The following NCF2 variants were observed in gnomAD, a reference collection of about 807,000 sequenced individuals.
NCF2 encodes neutrophil cytosol factor 2.
Under a neutral mutation model 70.9 loss-of-function variants are expected in NCF2, and 45 were observed. The observed-to-expected ratio is 0.63, with a 90% CI of 0.50 to 0.81. The LOEUF (loss-of-function observed/expected upper bound fraction) is 0.81, where lower values mean the gene tolerates loss of function less well. NCF2 is among the 40% of genes least tolerant of loss of function. The probability of loss-of-function intolerance (pLI) is 0.00; values close to 1 mark genes in which losing one functional copy is unlikely to be tolerated. For missense variants in NCF2, 522 were observed against 631.6 expected, an observed-to-expected ratio of 0.83 and a Z score of 1.86; for synonymous variants, 203 against 233.6, an observed-to-expected ratio of 0.87 and a Z score of 1.19.
At chr1:183,569,718 T>G (rs1304595373) in intron 6 of NCF2, among the ~76,000 whole-genome samples, 2 of 152,172 alleles carry the variant, frequency 1.3e-5, no homozygotes, top group Non-Finnish European at 2.9e-5. Flanking sequence ...CCTCCCATGT[T>G]GCTAGAATTA....
chr1:183,573,966 T>G (rs1322371484), intron 4 of NCF2, among the ~76,000 whole-genome samples: 1 of 152,222 alleles, frequency 6.6e-6, no homozygotes, highest in African/African-American at 2.4e-5. Context: ...GGCATGCACC[T>G]GTAATCCCAG....
intron 2 of NCF2, among the ~76,000 whole-genome samples, chr1:183,579,815 G>A (rs889932040): frequency 6.6e-6 from 1 of 150,510 alleles, no homozygotes; most frequent in African/African-American, 2.4e-5. Context: ...AACTAAAGGA[G>A]ATGAAGCATT....
chr1:183,581,730 G>A (rs1396598784), intron 2 of NCF2, among the ~76,000 whole-genome samples: 66 of 151,628 alleles, frequency 4.4e-4, no homozygotes, highest in African/African-American at 1.5e-3. Context: ...GTGCAGTGGC[G>A]CGATCTCGGC....
Position 183,555,918 on chromosome 1 carries a change from C to G in NCF2, c.*200G>C, listed in dbSNP as rs1436897064. The G allele has an allele frequency of 3.2e-6, 2 of 628,470 alleles. No individual in the cohort carries two copies. Among genetic ancestry groups the G allele is most frequent in the Admixed American group, 5.0e-5 (2 of 40,380 alleles). 38.9% of individuals were successfully genotyped at this position (628,470 alleles called of 1,614,324 possible). On this transcript the variant is annotated 3_prime_UTR_variant, in exon 15 of 15. Transcript: ENST00000367535. The stretch of plus-strand genomic sequence containing the variant: ...CCCTAACTCCTCCATTCACCTGTCC[C>G]CATCTCCTCACCCACTGTGCCCCAG...
intron 13 of NCF2, 26 bp downstream of exon 13, chr1:183,563,169 C>CT (rs1558092145): frequency 1.2e-6 from 2 of 1,602,770 alleles, no homozygotes. Flanking sequence ...GGAAATGTAA[C>CT]TTTAGATGCC....
At chr1:183,584,978 T>C (rs1254576902) in intron 2 of NCF2, among the ~76,000 whole-genome samples, 1 of 152,186 alleles carries the variant, frequency 6.6e-6, no homozygotes, top group Non-Finnish European at 1.5e-5. Context: ...TGCCTGGATA[T>C]CTTCTCCCAA....
upstream of NCF2, among the ~76,000 whole-genome samples, chr1:183,591,322 G>A (rs952258598): frequency 6.6e-6 from 1 of 152,166 alleles, no homozygotes; most frequent in Non-Finnish European, 1.5e-5. Flanking sequence ...CAGATGAGAG[G>A]ATAATTCTTT....
intron 2 of NCF2, among the ~76,000 whole-genome samples, chr1:183,579,419 C>G (rs1415654165): frequency 6.6e-6 from 1 of 151,974 alleles, no homozygotes; most frequent in Non-Finnish European, 1.5e-5. Context: ...GTCTGTTTCC[C>G]CATCTTTAGA....
the NCF2 span, among the ~76,000 whole-genome samples, chr1:183,600,612 C>CT: frequency 1.6e-3 from 247 of 150,234 alleles, 1 homozygote; most frequent in African/African-American, 5.6e-3. Context: ...TTATTTCAGT[C>CT]TTTTTTTTTT....
chr1:183,574,289 C>T (rs1403717750), intron 4 of NCF2, among the ~76,000 whole-genome samples, 198 bp downstream of exon 4: 1 of 152,166 alleles, frequency 6.6e-6, no homozygotes, highest in Non-Finnish European at 1.5e-5. Flanking sequence ...GATGCCAGGG[C>T]TCTGCCATCC....
At chr1:183,561,003 G>A (rs571619733) in intron 13 of NCF2, among the ~76,000 whole-genome samples, 1 of 152,170 alleles carries the variant, frequency 6.6e-6, no homozygotes, top group African/African-American at 2.4e-5. Context: ...CTCCCTGAAG[G>A]TGAATCCTGC....
At chr1:183,574,348 A>G in intron 4 of NCF2, 139 bp downstream of exon 4, 1 of 1,281,048 alleles carries the variant, frequency 7.8e-7, no homozygotes, top group Non-Finnish European at 1.1e-6. Flanking sequence ...TCTTAAGTGG[A>G]ACTATACCCT....
chr1:183,573,603 C>T (rs1322660178), intron 4 of NCF2, among the ~76,000 whole-genome samples: 2 of 152,050 alleles, frequency 1.3e-5, no homozygotes, highest in Non-Finnish European at 2.9e-5. Context: ...AGGGCACCAC[C>T]ACGACAAGGC....
At chr1:183,580,949 A>C (rs1673033821) in intron 2 of NCF2, among the ~76,000 whole-genome samples, 1 of 149,056 alleles carries the variant, frequency 6.7e-6, no homozygotes, top group Non-Finnish European at 1.5e-5. Context: ...ACTGCACTCC[A>C]GCCTGGTTGA....
chr1:183,561,077 A>AAAAC (rs1672024640), intron 13 of NCF2, among the ~76,000 whole-genome samples: 1 of 152,238 alleles, frequency 6.6e-6, no homozygotes, highest in Non-Finnish European at 1.5e-5. Flanking sequence ...CCACTGCACA[A>AAAAC]TGCCATACTT....
chr1:183,594,956 G>A (rs1558111919), upstream of NCF2, among the ~76,000 whole-genome samples: 2 of 152,174 alleles, frequency 1.3e-5, no homozygotes, highest in African/African-American at 2.4e-5. Context: ...AAAGGATAGA[G>A]CCAACTCTCC....
chr1:183,567,482 C>T (rs1672363912), intron 7 of NCF2, 137 bp from the exon 8 acceptor site: 1 of 1,208,864 alleles, frequency 8.3e-7, no homozygotes. Flanking sequence ...CGAGATGACA[C>T]TGAGCCTGCC....
chr1:183,593,558 C>T (rs576507141), upstream of NCF2, among the ~76,000 whole-genome samples: 17 of 152,254 alleles, frequency 1.1e-4, no homozygotes, highest in South Asian at 2.5e-3. Flanking sequence ...CCTCTTCCTC[C>T]GCCCATGTAA....
intron 6 of NCF2, among the ~76,000 whole-genome samples, chr1:183,569,635 C>T (rs1672460514): frequency 6.6e-6 from 1 of 152,178 alleles, no homozygotes; most frequent in Admixed American, 6.5e-5. Flanking sequence ...GTCGCCCAGG[C>T]TGGAGTGCAG....
Sources: gnomAD v4.1 joint callset for allele counts (sites outside exome capture counted in the v4.1 genomes callset) on GRCh38, gnomAD v4.1.1 for gene constraint, MANE v1.5 for transcripts, NCBI Gene and HGNC (gene_info 2026-07-23, HGNC 2026-07-21) for gene names.